TRIM56: variants seen among roughly 807,000 people sequenced by gnomAD.
TRIM56 encodes the protein E3 ubiquitin-protein ligase TRIM56.
TRIM56 carries 10 observed loss-of-function variants against 17.1 expected under a neutral mutation model. That is an observed-to-expected ratio of 0.58 (90% CI 0.36 to 0.99). The LOEUF is 0.99. Ranked by LOEUF, TRIM56 falls within the 50% of genes least tolerant of loss-of-function variation. The pLI is 0.01. For synonymous variants in TRIM56, 503 were observed against 473.5 expected, an observed-to-expected ratio of 1.06 and a Z score of -0.81; for missense variants, 923 against 1,052.3, an observed-to-expected ratio of 0.88 and a Z score of 1.70.
Position 101,090,603 on chromosome 7 carries a change from C to T in TRIM56, c.*1023C>T, listed in dbSNP as rs1795544309. ...CGCACCACTGCATTCCAGACCCCAT[C>T]TCGAAAAAAAAAAAAAAAAAAAAAA... On this transcript the variant is annotated 3_prime_UTR_variant, in exon 3 of 3. Transcript: ENST00000306085. 1.2e-5 allele frequency: 1 copy of T among 80,260 alleles called. No homozygotes were observed. 5.0% of individuals were successfully genotyped at this position (80,260 alleles called of 1,614,324 possible).
Position 101,088,527 on chromosome 7 carries a change from G to A in TRIM56, c.1215G>A (p.Gln405=). ...AGGATGAGCCGAAGACTGAGAGACA[G>A]GGTGGAGTCCAGCCCCAGGCTGGAG... ...RREDEPKTER[Q]GGVQPQAGDG... The change falls in exon 3 of 3, where the codon CAG becomes CAA. Residue 405 remains glutamine (Q), a synonymous_variant. Transcript: ENST00000306085. 2 of 1,613,868 alleles carry A rather than the reference G, an allele frequency of 1.2e-6. No homozygotes were observed. The highest frequency in any genetic ancestry group is 1.3e-5 in the African/African-American group (1 of 75,024).
chr7:101,088,402 C>T lies in TRIM56; in HGVS notation c.1090C>T (p.His364Tyr), dbSNP rs1410349449. Residue 364 changes from histidine to tyrosine, a missense_variant, in exon 3 of 3, where the codon CAC becomes TAC. Physicochemically the swap from His to Tyr is moderately conservative, Grantham distance 83. Around this residue, in one of 3 missense-constraint regions of TRIM56, gnomAD observed 643 missense variants for 665.6 expected, o/e 0.97. Transcript: ENST00000306085. ...TCCTGGGCTCCTGGACAAGAACTGC[C>T]ACCTTCTTCGGCTGTCCTTTGAGGA... Reference protein sequence around the residue: ...LHPGLLDKNCHLLRLSFEEQQ... With the variant: ...LHPGLLDKNCYLLRLSFEEQQ... The T allele has an allele frequency of 2.5e-6, 4 of 1,600,038 alleles. No homozygotes were observed. The East Asian group carries it at 9.0e-5, about 36-fold the overall frequency.
rs1382334985 is a variant in TRIM56 at position 101,091,676 on chromosome 7, C to T, written c.*2096C>T. The T allele has an allele frequency of 2.3e-6, 1 of 442,010 alleles. No individual in the cohort carries two copies. Among genetic ancestry groups the T allele is most frequent in the Admixed American group, 2.5e-5 (1 of 39,296 alleles). The allele number at this position is 442,010 out of a possible 1,614,324, so 27.4% of individuals were successfully genotyped here. A position where few individuals can be genotyped will look rare whatever the true frequency, so the allele number is the denominator to read the frequency against. Reference sequence around the variant, plus strand: ...CAGGAGGTGGAAGTTGCAGTGAGCTCAGATCGCACCATTGCACTCCAGCCT... The same window carrying T: ...CAGGAGGTGGAAGTTGCAGTGAGCTTAGATCGCACCATTGCACTCCAGCCT... On this transcript the variant is annotated 3_prime_UTR_variant, in exon 3 of 3. Coordinates refer to ENST00000306085, the MANE Select transcript of TRIM56 (RefSeq NM_030961.3).
rs1795634534 is a variant in TRIM56 at position 101,095,029 on chromosome 7, A to T, written c.*5449A>T. 1 of 149,734 alleles carries T rather than the reference A, an allele frequency of 6.7e-6. No individual in the cohort carries two copies. The highest frequency in any genetic ancestry group is 1.5e-5 in the Non-Finnish European group (1 of 67,746). The allele number at this position is 149,734 out of a possible 1,614,324, so 9.3% of individuals were successfully genotyped here. A position where few individuals can be genotyped will look rare whatever the true frequency, so the allele number is the denominator to read the frequency against. On this transcript the variant is annotated 3_prime_UTR_variant, in exon 3 of 3. Transcript: ENST00000306085. ...ATCTCCAGTAGGGGGCACTGTGGAC[A>T]CGGTTCGCATCTGCCTCCCAAGGCT...
At position 101,094,709 on chromosome 7, in the gene TRIM56, G is replaced by C. The variant is rs1795631169; in HGVS notation, c.*5129G>C. The C allele has an allele frequency of 6.6e-6, 1 of 152,006 alleles. No homozygotes were observed. The highest frequency in any genetic ancestry group is 2.1e-4 in the South Asian group (1 of 4,810). 9.4% of individuals were successfully genotyped at this position (152,006 alleles called of 1,614,324 possible). ...TGCCAGGTGATCGAATTATCGTGGA[G>C]TGTCTGGAAGGCGGGGGAAGTTTTG... On this transcript the variant is annotated 3_prime_UTR_variant, in exon 3 of 3. Transcript: ENST00000306085.
Position 101,089,731 on chromosome 7 carries a change from C to G in TRIM56, c.*151C>G, listed in dbSNP as rs1012534771. The G allele has an allele frequency of 1.4e-4, 101 of 705,198 alleles. No homozygotes were observed. The highest frequency in any genetic ancestry group is 2.0e-4 in the Non-Finnish European group (85 of 423,606). 43.7% of individuals were successfully genotyped at this position (705,198 alleles called of 1,614,324 possible). On this transcript the variant is annotated 3_prime_UTR_variant, in exon 3 of 3. Transcript: ENST00000306085. Reference sequence around the variant, plus strand: ...GAGTGCCAAACTGCTAACCCGTCTTCTAGTGTGTGAGAATAGGGACCAAGG... The same window carrying G: ...GAGTGCCAAACTGCTAACCCGTCTTGTAGTGTGTGAGAATAGGGACCAAGG...
At position 101,088,070 on chromosome 7, in the gene TRIM56, C is replaced by G; in HGVS notation, c.758C>G (p.Thr253Ser). ...RLREQAARVG[T>S]QVEEAAEGVL... ...CGGGAGCAGGCGGCCCGGGTGGGGA[C>G]TCAGGTGGAGGAGGCGGCTGAGGGC... The change falls in exon 3 of 3, where the codon ACT becomes AGT. Residue 253 changes from threonine to serine, a missense_variant. Transcript: ENST00000306085. 6.6e-7 allele frequency: 1 copy of G among 1,525,936 alleles called. No homozygotes were observed. Among genetic ancestry groups the G allele is most frequent in the Non-Finnish European group, 8.8e-7 (1 of 1,138,728 alleles). The allele number at this position is 1,525,936 out of a possible 1,614,324, so 94.5% of individuals were successfully genotyped here.
At position 101,088,115 on chromosome 7, in the gene TRIM56, C is replaced by T. The variant is rs1226347995; in HGVS notation, c.803C>T (p.Ala268Val). The change falls in exon 3 of 3, where the codon GCC (alanine) becomes GTC (valine). Residue 268 changes from alanine (A) to valine (V), a missense_variant. Coordinates refer to ENST00000306085, the MANE Select transcript of TRIM56 (RefSeq NM_030961.3). Reference sequence around the variant, plus strand: ...GAGGGCGTCCTCCGGGCCCTGCTGGCCCAGAAGCAGGAGGTGCTGGGGCAG... The same window carrying T: ...GAGGGCGTCCTCCGGGCCCTGCTGGTCCAGAAGCAGGAGGTGCTGGGGCAG... ...AAEGVLRALL[A>V]QKQEVLGQLR... 8 of 1,502,328 alleles carry T rather than the reference C, an allele frequency of 5.3e-6. No individual in the cohort carries two copies. Among genetic ancestry groups the T allele is most frequent in the Non-Finnish European group, 7.1e-6 (8 of 1,125,540 alleles). 93.1% of individuals were successfully genotyped at this position (1,502,328 alleles called of 1,614,324 possible).
Position 101,088,525 on chromosome 7 carries a change from C to G in TRIM56, c.1213C>G (p.Gln405Glu). 1 of 1,613,778 alleles carries G rather than the reference C, an allele frequency of 6.2e-7. No individual in the cohort carries two copies. The highest frequency in any genetic ancestry group is 8.5e-7 in the Non-Finnish European group (1 of 1,179,864). Residue 405 changes from glutamine (Q) to glutamate (E), a missense_variant, in exon 3 of 3, where the codon CAG becomes GAG. Physicochemically the swap from Gln to Glu is conservative, Grantham distance 29. This residue lies in a region of TRIM56 where 643 missense variants were observed against 665.6 expected (regional missense o/e 0.97). Transcript: ENST00000306085. ...RREDEPKTER[Q>E]GGVQPQAGDG... ...GGAGGATGAGCCGAAGACTGAGAGA[C>G]AGGGTGGAGTCCAGCCCCAGGCTGG... is the stretch of plus-strand genomic sequence containing the variant.
In TRIM56 at chr7:101,087,471, C is replaced by T. The variant is rs1412461740; in HGVS notation, c.159C>T (p.Arg53=). 1.2e-5 allele frequency: 20 copies of T among 1,613,400 alleles called. No individual in the cohort carries two copies. The highest frequency in any genetic ancestry group is 8.0e-5 in the African/African-American group (6 of 75,060). ...DCLAQLADGG[R]VRCPECRETV... ...TGGCACAGCTGGCGGATGGCGGCCG[C>T]GTCCGCTGCCCCGAGTGCCGCGAGA... The change falls in exon 3 of 3, where the codon CGC becomes CGT. Residue 53 remains arginine (R), a synonymous_variant. Coordinates refer to ENST00000306085, the MANE Select transcript of TRIM56 (RefSeq NM_030961.3).
chr7:101,096,890 C>T lies in TRIM56; in HGVS notation c.*7310C>T, dbSNP rs1385136206. The T allele has an allele frequency of 6.6e-6, 1 of 152,108 alleles. No homozygotes were observed. Among genetic ancestry groups the T allele is most frequent in the Non-Finnish European group, 1.5e-5 (1 of 68,038 alleles). 9.4% of individuals were successfully genotyped at this position (152,108 alleles called of 1,614,324 possible). On this transcript the variant is annotated 3_prime_UTR_variant, in exon 3 of 3. Coordinates refer to ENST00000306085, the MANE Select transcript of TRIM56 (RefSeq NM_030961.3). ...ATAGAAGGGACCAATGGCCAGCTTG[C>T]TGAAATGTAATGCCATTCTTAAAAG... is the stretch of plus-strand genomic sequence containing the variant.
rs1316517896 is a variant in TRIM56 at position 101,097,828 on chromosome 7, T to C, written c.*8248T>C. ...GGGCTAAACCCAGTGTGCTGTAAAC[T>C]CTTCAGTTCCTTTGGTTATGGATTT... is the stretch of plus-strand genomic sequence containing the variant. On this transcript the variant is annotated 3_prime_UTR_variant, in exon 3 of 3. Coordinates refer to ENST00000306085, the MANE Select transcript of TRIM56 (RefSeq NM_030961.3). The C allele has an allele frequency of 2.0e-5, 3 of 152,220 alleles. No homozygotes were observed. The South Asian group carries it at 6.2e-4, about 32-fold the overall frequency. 9.4% of individuals were successfully genotyped at this position (152,220 alleles called of 1,614,324 possible).
chr7:101,089,790 A>T lies in TRIM56; in HGVS notation c.*210A>T. The T allele has an allele frequency of 1.9e-6, 1 of 517,304 alleles. No individual in the cohort carries two copies. The highest frequency in any genetic ancestry group is 3.5e-6 in the Non-Finnish European group (1 of 286,554). 32.0% of individuals were successfully genotyped at this position (517,304 alleles called of 1,614,324 possible). On this transcript the variant is annotated 3_prime_UTR_variant, in exon 3 of 3. Coordinates refer to ENST00000306085, the MANE Select transcript of TRIM56 (RefSeq NM_030961.3). The stretch of plus-strand genomic sequence containing the variant: ...TGACCTTAACTCTCAGAAGCAGAGG[A>T]GGCAGGTGGGTGGAGGGGGATGCTG...
Position 101,088,897 on chromosome 7 carries a change from C to G in TRIM56, c.1585C>G (p.Arg529Gly), listed in dbSNP as rs760621906. The G allele has an allele frequency of 2.5e-6, 4 of 1,613,884 alleles. No individual in the cohort carries two copies. In the South Asian group the frequency reaches 4.4e-5, roughly 18 times the overall value. ...REILVADEQN[R>G]ALKRFSLNGD... ...GATCCTGGTGGCGGATGAGCAGAAC[C>G]GGGCACTGAAACGCTTCTCCCTCAA... The change falls in exon 3 of 3, where the codon CGG (arginine) becomes GGG (glycine). Residue 529 changes from arginine to glycine, a missense_variant. Arg to Gly is a moderately radical substitution (Grantham distance 125, BLOSUM62 -2). Around this residue, in one of 3 missense-constraint regions of TRIM56, gnomAD observed 643 missense variants for 665.6 expected, o/e 0.97. Coordinates refer to ENST00000306085, the MANE Select transcript of TRIM56 (RefSeq NM_030961.3).
rs1795650283 is a variant in TRIM56, at chr7:101,096,125, G to A, written c.*6545G>A. The A allele has an allele frequency of 6.6e-6, 1 of 152,084 alleles. No individual in the cohort carries two copies. The highest frequency in any genetic ancestry group is 2.1e-4 in the South Asian group (1 of 4,828). The allele number at this position is 152,084 out of a possible 1,614,324, so 9.4% of individuals were successfully genotyped here. A position where few individuals can be genotyped will look rare whatever the true frequency, so the allele number is the denominator to read the frequency against. On this transcript the variant is annotated 3_prime_UTR_variant, in exon 3 of 3. Transcript: ENST00000306085. ...AATCGCTTGAGCCCGGGAGGCAGGG[G>A]TTGCAGCGAGCTGAGATCGTACCAC...
chr7:101,091,675 T>C lies in TRIM56; in HGVS notation c.*2095T>C, dbSNP rs1337566937. 4.5e-6 allele frequency: 2 copies of C among 441,788 alleles called. No individual in the cohort carries two copies. The highest frequency in any genetic ancestry group is 7.0e-5 in the East Asian group (1 of 14,192). The allele number at this position is 441,788 out of a possible 1,614,324, so 27.4% of individuals were successfully genotyped here. A position where few individuals can be genotyped will look rare whatever the true frequency, so the allele number is the denominator to read the frequency against. ...CCAGGAGGTGGAAGTTGCAGTGAGCTCAGATCGCACCATTGCACTCCAGCC... is the reference window on the plus strand; with the variant it reads ...CCAGGAGGTGGAAGTTGCAGTGAGCCCAGATCGCACCATTGCACTCCAGCC... On this transcript the variant is annotated 3_prime_UTR_variant, in exon 3 of 3. Coordinates refer to ENST00000306085, the MANE Select transcript of TRIM56 (RefSeq NM_030961.3).
chr7:101,096,031 A>C lies in TRIM56; in HGVS notation c.*6451A>C, dbSNP rs1036313170. On this transcript the variant is annotated 3_prime_UTR_variant, in exon 3 of 3. Transcript: ENST00000306085. The stretch of plus-strand genomic sequence containing the variant: ...GGTGAAACCCCCATCTCTACTAAAA[A>C]TACAAAAATTAGCCAGGCGTGGTGG... 6.6e-6 allele frequency: 1 copy of C among 152,192 alleles called. No homozygotes were observed. Among genetic ancestry groups the C allele is most frequent in the African/African-American group, 2.4e-5 (1 of 41,430 alleles). 9.4% of individuals were successfully genotyped at this position (152,192 alleles called of 1,614,324 possible).
In TRIM56 at chr7:101,089,444, T is replaced by TC; in HGVS notation, c.2134dup (p.Leu712ProfsTer31). On this transcript the variant is annotated frameshift_variant, in exon 3 of 3. Coordinates refer to ENST00000306085, the MANE Select transcript of TRIM56 (RefSeq NM_030961.3). LOFTEE classifies it high-confidence loss of function. The stretch of plus-strand genomic sequence containing the variant: ...GTGATCCTGGACCCGAAGGGGTCCC[T>TC]CCTTGGAGACTTCCTGACAGCCTAC... 6.2e-7 allele frequency: 1 copy of TC among 1,614,236 alleles called. No individual in the cohort carries two copies.
In TRIM56 at chr7:101,088,094, G is replaced by C; in HGVS notation, c.782G>C (p.Gly261Ala). 1 of 1,511,654 alleles carries C rather than the reference G, an allele frequency of 6.6e-7. No individual in the cohort carries two copies. Among genetic ancestry groups the C allele is most frequent in the Non-Finnish European group, 8.8e-7 (1 of 1,130,908 alleles). The allele number at this position is 1,511,654 out of a possible 1,614,324, so 93.6% of individuals were successfully genotyped here. A position where few individuals can be genotyped will look rare whatever the true frequency, so the allele number is the denominator to read the frequency against. Residue 261 changes from glycine (G) to alanine (A), a missense_variant, in exon 3 of 3, where the codon GGC becomes GCC. Gly to Ala is a moderately conservative substitution (Grantham distance 60, BLOSUM62 0). This residue lies in a region of TRIM56 where 643 missense variants were observed against 665.6 expected (regional missense o/e 0.97). Transcript: ENST00000306085. ...VGTQVEEAAE[G>A]VLRALLAQKQ... ...ACTCAGGTGGAGGAGGCGGCTGAGG[G>C]CGTCCTCCGGGCCCTGCTGGCCCAG...
Sources: allele counts gnomAD v4.1 joint callset, GRCh38; gene constraint gnomAD v4.1.1; regional missense constraint gnomAD v4.1.1; transcripts MANE v1.5; gene names NCBI Gene and HGNC (gene_info 2026-07-23, HGNC 2026-07-21).